TRIM44: variants seen among roughly 807,000 people sequenced by gnomAD.
The protein encoded by TRIM44 is tripartite motif containing 44.
TRIM44 carries 13 observed loss-of-function variants against 37.4 expected under a neutral mutation model. That is an observed-to-expected ratio of 0.35 (90% CI 0.23 to 0.55). TRIM44 has a LOEUF of 0.55. TRIM44 is among the 20% of genes least tolerant of loss of function. The pLI is 0.89. For synonymous variants in TRIM44, 175 were observed against 157.2 expected (o/e 1.11, Z -0.85); for missense variants, 426 against 437.2 (o/e 0.97, Z 0.23).
chr11:35,769,887 A>G (rs182497369), intron 4 of TRIM44, among the ~76,000 whole-genome samples: 3 of 152,290 alleles, frequency 2.0e-5, no homozygotes, highest in South Asian at 2.1e-4. Context: ...CCTAAGGACT[A>G]TGAATTTATT....
At chr11:35,685,694 C>T (rs894031250) in intron 2 of TRIM44, among the ~76,000 whole-genome samples, 9 of 152,050 alleles carry the variant, frequency 5.9e-5, no homozygotes, top group Admixed American at 1.3e-4. Flanking sequence ...GACAGAGTCT[C>T]GCTCTGTTGC....
chr11:35,787,552 G>A (rs998157254), intron 4 of TRIM44, among the ~76,000 whole-genome samples: 2 of 152,058 alleles, frequency 1.3e-5, no homozygotes, highest in African/African-American at 2.4e-5. Flanking sequence ...GGTGATTGAG[G>A]TATTGCAAAT....
In TRIM44 at chr11:35,735,370, ACT is replaced by A. The variant is rs1175514608; in HGVS notation, c.988-53_988-52del. The A allele has an allele frequency of 1.3e-5, 20 of 1,593,340 alleles. 1 individual carries two copies. The highest frequency in any genetic ancestry group is 9.9e-5 in the South Asian group (9 of 90,496). On this transcript the variant is annotated intron_variant, in intron 3 of 4. Coordinates refer to ENST00000299413, the MANE Select transcript of TRIM44 (RefSeq NM_017583.6). ...AGGGGAGGGAAAAGAAAGAAATCTG[ACT>A]CTGTCTGTACCAACAGTGATTTCTA...
intron 4 of TRIM44, among the ~76,000 whole-genome samples, chr11:35,753,157 G>A (rs1852579339): frequency 1.3e-5 from 2 of 152,086 alleles, no homozygotes; most frequent in African/African-American, 4.8e-5. Context: ...TTATTTGTGA[G>A]TCTGCTTTTG....
intron 4 of TRIM44, among the ~76,000 whole-genome samples, chr11:35,766,112 C>G (rs1003916979): frequency 2.0e-5 from 3 of 152,180 alleles, no homozygotes; most frequent in African/African-American, 7.2e-5. Flanking sequence ...CCTTCCAGAA[C>G]AGCCTCCTCT....
chr11:35,811,847 T>C lies in TRIM44; in HGVS notation c.*5462T>C, dbSNP rs183162078. ...GGACTGTGTGAGAACCTTGAGAAAA[T>C]TGTCCAAGAGAGGGAGATAAGTCAC... On this transcript the variant is annotated 3_prime_UTR_variant, in exon 5 of 5. Transcript: ENST00000299413. 2 of 152,180 alleles carry C rather than the reference T, an allele frequency of 1.3e-5. No individual in the cohort carries two copies. Among genetic ancestry groups the C allele is most frequent in the East Asian group, 1.9e-4 (1 of 5,174 alleles). 9.4% of individuals were successfully genotyped at this position (152,180 alleles called of 1,614,324 possible).
chr11:35,668,958 T>G (rs1022985828), intron 1 of TRIM44, among the ~76,000 whole-genome samples: 13 of 152,240 alleles, frequency 8.5e-5, no homozygotes, highest in African/African-American at 3.1e-4. Flanking sequence ...TAGCTATTCC[T>G]TTAAGAACTG....
intron 4 of TRIM44, among the ~76,000 whole-genome samples, chr11:35,763,439 A>G (rs1388648241): frequency 6.6e-6 from 1 of 152,208 alleles, no homozygotes; most frequent in Non-Finnish European, 1.5e-5. Context: ...AGGGAGAAGG[A>G]TGGAGCTAAA....
rs542916040 is a variant in TRIM44, at chr11:35,752,020, C to G, written c.1007+16575C>G. On this transcript the variant is annotated intron_variant, in intron 4 of 4. Coordinates refer to ENST00000299413, the MANE Select transcript of TRIM44 (RefSeq NM_017583.6). ...TCCTACATCCCATGGCTTTGCTGTC[C>G]TAGCTACTTTTGTTCAAAACATAAC... Among the ~76,000 whole-genome samples the G allele has an allele frequency of 2.0e-5, 3 of 152,290 alleles. No homozygotes were observed. In the East Asian group the frequency reaches 5.8e-4, roughly 29 times the overall value.
chr11:35,779,812 A>G (rs1416801938), intron 4 of TRIM44, among the ~76,000 whole-genome samples: 1 of 149,962 alleles, frequency 6.7e-6, no homozygotes, highest in Non-Finnish European at 1.5e-5. Flanking sequence ...ATTCTTCTGT[A>G]TATGGCTAGT....
intron 2 of TRIM44, among the ~76,000 whole-genome samples, chr11:35,697,241 G>GGGTGA: frequency 8.1e-6 from 1 of 123,344 alleles, no homozygotes; most frequent in Non-Finnish European, 1.6e-5. Context: ...AGGCCCCGGT[G>GGGTGA]TGTGATGTTC....
chr11:35,677,658 C>T (rs1246412252), intron 1 of TRIM44, among the ~76,000 whole-genome samples: 2 of 152,034 alleles, frequency 1.3e-5, no homozygotes, highest in African/African-American at 4.8e-5. Flanking sequence ...AGTGGCATTT[C>T]TTTTCTTTTG....
intron 2 of TRIM44, among the ~76,000 whole-genome samples, chr11:35,723,267 T>C (rs1360118141): frequency 6.6e-6 from 1 of 152,194 alleles, no homozygotes; most frequent in East Asian, 1.9e-4. Context: ...CCTATAAAAT[T>C]AGAAGGTTAG....
At chr11:35,718,470 T>C (rs570963873) in intron 2 of TRIM44, among the ~76,000 whole-genome samples, 3 of 152,274 alleles carry the variant, frequency 2.0e-5, no homozygotes, top group Admixed American at 1.3e-4. Context: ...ATGGAAAATA[T>C]AGAGAGTTTC....
chr11:35,725,392 G>T (rs571411615), intron 2 of TRIM44, among the ~76,000 whole-genome samples: 74 of 152,206 alleles, frequency 4.9e-4, no homozygotes, highest in Non-Finnish European at 8.5e-4. Flanking sequence ...GGAGTGCAGT[G>T]GTGCGATCTG....
At chr11:35,793,875 G>C (rs942826287) in intron 4 of TRIM44, among the ~76,000 whole-genome samples, 1 of 152,172 alleles carries the variant, frequency 6.6e-6, no homozygotes, top group Non-Finnish European at 1.5e-5. Context: ...CTGTAAAATG[G>C]AGTGTTAATG....
chr11:35,722,064 G>C (rs1317671482), intron 2 of TRIM44, among the ~76,000 whole-genome samples: 3 of 152,234 alleles, frequency 2.0e-5, no homozygotes, highest in African/African-American at 7.2e-5. Flanking sequence ...AGTTTCCATA[G>C]ACACTGGCAA....
At chr11:35,691,740 G>A (rs926489695) in intron 2 of TRIM44, among the ~76,000 whole-genome samples, 39 of 152,268 alleles carry the variant, frequency 2.6e-4, no homozygotes, top group African/African-American at 9.1e-4. Context: ...CACCTCCCAG[G>A]TTCACACCAT....
intron 4 of TRIM44, among the ~76,000 whole-genome samples, chr11:35,771,701 G>T (rs866731045): frequency 6.6e-6 from 1 of 151,306 alleles, no homozygotes. Flanking sequence ...CTCCAGCCAG[G>T]GTGAGAGAGC....
Sources: gnomAD v4.1 joint callset for allele counts (sites outside exome capture counted in the v4.1 genomes callset) on GRCh38, gnomAD v4.1.1 for gene constraint, MANE v1.5 for transcripts, NCBI Gene and HGNC (gene_info 2026-07-23, HGNC 2026-07-21) for gene names.